MCF2L2: variants seen among roughly 807,000 people sequenced by gnomAD.
The protein encoded by MCF2L2 is probable guanine nucleotide exchange factor MCF2L2.
A neutral mutation model predicts 150.2 loss-of-function variants in MCF2L2; 102 were observed. The observed-to-expected ratio is 0.68, with a 90% CI of 0.58 to 0.80. MCF2L2 has a LOEUF of 0.80. Among genes scored for constraint, MCF2L2 ranks in the 30% least tolerant of loss-of-function variants. The probability of loss-of-function intolerance (pLI) is 0.00; values close to 1 mark genes in which losing one functional copy is unlikely to be tolerated. For synonymous variants in MCF2L2, 465 were observed against 491.3 expected (o/e 0.95, Z 0.71); for missense variants, 1,256 against 1,372.8 (o/e 0.91, Z 1.34).
At chr3:183,398,641 C>T (rs2108608893) in intron 1 of MCF2L2, among the ~76,000 whole-genome samples, 1 of 152,244 alleles carries the variant, frequency 6.6e-6, no homozygotes, top group South Asian at 2.1e-4. Context: ...GACTCCCCAA[C>T]AATTACATAA....
chr3:183,421,698 CTGTT>C (rs970384721), intron 1 of MCF2L2, among the ~76,000 whole-genome samples: 11 of 152,210 alleles, frequency 7.2e-5, no homozygotes, highest in African/African-American at 2.7e-4. Context: ...TCACACTTTC[CTGTT>C]TGTTTGAAGG....
At chr3:183,219,666 G>A (rs1056510656) in intron 21 of MCF2L2, among the ~76,000 whole-genome samples, 190 bp downstream of exon 21, 1 of 151,410 alleles carries the variant, frequency 6.6e-6, no homozygotes, top group Non-Finnish European at 1.5e-5. Flanking sequence ...CATTTGGGCT[G>A]CAAATCCCTA....
intron 15 of MCF2L2, among the ~76,000 whole-genome samples, chr3:183,256,280 T>G (rs1185162534): frequency 2.6e-5 from 4 of 152,196 alleles, no homozygotes; most frequent in Admixed American, 2.0e-4. Context: ...CCCTTTGATA[T>G]CGAATCTCTG....
At position 183,283,147 on chromosome 3, in the gene MCF2L2, G is replaced by A. The variant is rs1003244552; in HGVS notation, c.1776+5973C>T. On this transcript the variant is annotated intron_variant, in intron 14 of 29. Transcript: ENST00000328913. This position sits in a 1 kb window ranked among gnomAD's most constrained non-coding sequence, Gnocchi z 4.2. The stretch of plus-strand genomic sequence containing the variant: ...ATTCTACACATTTTCTCTGATAGTC[G>A]TGTTCTAGCCACTAGGGAGAACGTT... Among the ~76,000 whole-genome samples, 1 of 152,014 alleles carries A rather than the reference G, an allele frequency of 6.6e-6. No homozygotes were observed. The highest frequency in any genetic ancestry group is 1.5e-5 in the Non-Finnish European group (1 of 68,006).
At chr3:183,348,977 C>G (rs1433783332) in intron 3 of MCF2L2, among the ~76,000 whole-genome samples, 2 of 152,146 alleles carry the variant, frequency 1.3e-5, no homozygotes, top group Non-Finnish European at 2.9e-5. Flanking sequence ...TTAGTAAGAA[C>G]ATAGACCCGA....
chr3:183,309,919 C>A, intron 9 of MCF2L2, 84 bp from the exon 10 acceptor site: 1 of 1,514,870 alleles, frequency 6.6e-7, no homozygotes, highest in South Asian at 1.2e-5. Context: ...CAAGAAAACT[C>A]AAAATTCCAA....
At chr3:183,218,168 A>G (rs1436577846) in intron 21 of MCF2L2, among the ~76,000 whole-genome samples, 1 of 152,226 alleles carries the variant, frequency 6.6e-6, no homozygotes, top group Non-Finnish European at 1.5e-5. Flanking sequence ...GGGTATTTGC[A>G]TCTTTGGATG....
At chr3:183,354,608 A>C (rs529025433) in intron 3 of MCF2L2, among the ~76,000 whole-genome samples, 11 of 152,252 alleles carry the variant, frequency 7.2e-5, no homozygotes, top group African/African-American at 2.6e-4. Context: ...ATGATCTGTA[A>C]GTCTCTCACC....
chr3:183,220,705 T>C (rs898170282), intron 20 of MCF2L2, among the ~76,000 whole-genome samples: 12 of 152,218 alleles, frequency 7.9e-5, no homozygotes, highest in African/African-American at 2.9e-4. Context: ...TCAAAAATCT[T>C]TACCAATTGA....
At chr3:183,394,250 G>A (rs550668308) in intron 1 of MCF2L2, among the ~76,000 whole-genome samples, 2 of 152,346 alleles carry the variant, frequency 1.3e-5, no homozygotes, top group South Asian at 4.1e-4. Context: ...CTCAGGCGCT[G>A]TGTAACAAGA....
chr3:183,353,518 G>A (rs555706142), intron 3 of MCF2L2, among the ~76,000 whole-genome samples: 2 of 152,288 alleles, frequency 1.3e-5, no homozygotes, highest in African/African-American at 4.8e-5. Flanking sequence ...AAGCATGGCT[G>A]GGGAGGCTTC....
intron 3 of MCF2L2, among the ~76,000 whole-genome samples, chr3:183,367,228 T>TTTC (rs899192058): frequency 7.4e-6 from 1 of 135,452 alleles, no homozygotes; most frequent in Non-Finnish European, 1.6e-5. Flanking sequence ...TCTTTCTTTC[T>TTTC]TTTTTTTTTT....
intron 27 of MCF2L2, among the ~76,000 whole-genome samples, chr3:183,185,904 C>T (rs1406532480): frequency 1.3e-5 from 2 of 152,052 alleles, no homozygotes; most frequent in Admixed American, 1.3e-4. Context: ...TCTCAGGGCA[C>T]ATTTTTTTTT....
chr3:183,369,617 C>G (rs1246223130), intron 3 of MCF2L2, among the ~76,000 whole-genome samples: 1 of 152,132 alleles, frequency 6.6e-6, no homozygotes, highest in Admixed American at 6.5e-5. Flanking sequence ...AATTCCTGTT[C>G]CCTCTAGACC....
At chr3:183,383,486 C>T (rs186385840) in intron 2 of MCF2L2, among the ~76,000 whole-genome samples, 181 of 152,212 alleles carry the variant, frequency 1.2e-3, no homozygotes, top group African/African-American at 4.2e-3. Flanking sequence ...CCGCCCACCT[C>T]GGCCTCCCAA....
intron 8 of MCF2L2, 80 bp from the exon 9 acceptor site, chr3:183,311,109 C>T: frequency 1.3e-6 from 1 of 782,634 alleles, no homozygotes; most frequent in African/African-American, 1.7e-5. Flanking sequence ...GGCTAGAACA[C>T]CTGTGTCTTC....
chr3:183,382,077 T>TATA (rs1713561630), intron 2 of MCF2L2, among the ~76,000 whole-genome samples: 1 of 151,744 alleles, frequency 6.6e-6, no homozygotes, highest in Non-Finnish European at 1.5e-5. Flanking sequence ...TTATTATTAT[T>TATA]AGATGGAATC....
chr3:183,286,394 C>CA (rs1313421079), intron 14 of MCF2L2, among the ~76,000 whole-genome samples: 3 of 152,106 alleles, frequency 2.0e-5, no homozygotes, highest in Non-Finnish European at 4.4e-5. Context: ...AATCGCCACC[C>CA]AGAGCTAGAT....
At chr3:183,187,226 T>C (rs1315906133) in intron 27 of MCF2L2, among the ~76,000 whole-genome samples, 3 of 152,182 alleles carry the variant, frequency 2.0e-5, no homozygotes, top group African/African-American at 7.2e-5. Flanking sequence ...TGACGTGCTA[T>C]ACCGGATAGC....
Sources: gnomAD v4.1 joint callset for allele counts (sites outside exome capture counted in the v4.1 genomes callset) on GRCh38, gnomAD v4.1.1 for gene constraint, Gnocchi (gnomAD v3.1) non-coding constraint, MANE v1.5 for transcripts, NCBI Gene and HGNC (gene_info 2026-07-23, HGNC 2026-07-21) for gene names.